Variants in ZHX2 observed in about 807,000 individuals in gnomAD.
The protein encoded by ZHX2 is zinc fingers and homeoboxes protein 2.
ZHX2 carries 6 observed loss-of-function variants against 21.9 expected under a neutral mutation model. That is an observed-to-expected ratio of 0.27 (90% CI 0.15 to 0.54). The LOEUF is 0.54. Among genes scored for constraint, ZHX2 ranks in the 20% least tolerant of loss-of-function variants. The probability of loss-of-function intolerance (pLI) is 0.95; values close to 1 mark genes in which losing one functional copy is unlikely to be tolerated. For synonymous variants in ZHX2, 434 were observed against 437.1 expected, an observed-to-expected ratio of 0.99 and a Z score of 0.09; for missense variants, 908 against 1,090.7, an observed-to-expected ratio of 0.83 and a Z score of 2.36.
chr8:122,935,297 T>G lies in ZHX2; in HGVS notation c.-219-15995T>G, dbSNP rs142862343. On this transcript the variant is annotated intron_variant, in intron 2 of 3. Coordinates refer to ENST00000314393, the MANE Select transcript of ZHX2 (RefSeq NM_014943.5). ...CATGCTGAAAAGGGAAAAGTACATTTCAGTGGAGCTTTTTAAGACCTTTCA... is the reference window on the plus strand; with the variant it reads ...CATGCTGAAAAGGGAAAAGTACATTGCAGTGGAGCTTTTTAAGACCTTTCA... Among the ~76,000 whole-genome samples, 130 of 152,278 alleles carry G rather than the reference T, an allele frequency of 8.5e-4. 1 individual carries two copies. The highest frequency in any genetic ancestry group is 3.1e-3 in the African/African-American group (127 of 41,570).
At chr8:122,955,432 C>A (rs1216115315) in intron 3 of ZHX2, among the ~76,000 whole-genome samples, 1 of 152,190 alleles carries the variant, frequency 6.6e-6, no homozygotes, top group Admixed American at 6.5e-5. Flanking sequence ...GAAATTACCA[C>A]ACCTCTGTCT....
chr8:122,943,745 T>G (rs1005737798), intron 2 of ZHX2, among the ~76,000 whole-genome samples: 3 of 152,218 alleles, frequency 2.0e-5, no homozygotes, highest in African/African-American at 7.2e-5. Context: ...GATTATTGTT[T>G]AGCTGTCTGG....
intron 1 of ZHX2, among the ~76,000 whole-genome samples, chr8:122,817,433 T>C (rs1388578015): frequency 6.6e-6 from 1 of 152,170 alleles, no homozygotes; most frequent in African/African-American, 2.4e-5. Flanking sequence ...CCAGGCCAAC[T>C]TGAAGAGGCT....
At chr8:122,797,164 A>C (rs565826136) in intron 1 of ZHX2, among the ~76,000 whole-genome samples, 3 of 152,222 alleles carry the variant, frequency 2.0e-5, no homozygotes, top group Non-Finnish European at 2.9e-5. Flanking sequence ...CAGTGGCTTC[A>C]TAAGGCAGAG....
At chr8:122,849,984 T>C (rs1250002056) in intron 1 of ZHX2, among the ~76,000 whole-genome samples, 1 of 152,224 alleles carries the variant, frequency 6.6e-6, no homozygotes, top group African/African-American at 2.4e-5. Context: ...CCAACTTTCA[T>C]TGAGAGGCTT....
chr8:122,830,193 G>A lies in ZHX2; in HGVS notation c.-282-33284G>A, dbSNP rs149621622. Among the ~76,000 whole-genome samples the A allele has an allele frequency of 4.6e-3, 697 of 152,302 alleles. 12 individuals are homozygous for A. Among genetic ancestry groups the A allele is most frequent in the Non-Finnish European group, 3.4e-3 (229 of 68,024 alleles). ...AATGGCGTCAGCACCAAGTGAGGACGGGGCAAAGGATTTATAGTGTCCTGT... is the reference window on the plus strand; with the variant it reads ...AATGGCGTCAGCACCAAGTGAGGACAGGGCAAAGGATTTATAGTGTCCTGT... On this transcript the variant is annotated intron_variant, in intron 1 of 3. Transcript: ENST00000314393.
rs191543796 is a variant in ZHX2, at chr8:122,848,194, G to A, written c.-282-15283G>A. Among the ~76,000 whole-genome samples, 661 of 152,310 alleles carry A rather than the reference G, an allele frequency of 4.3e-3. 3 individuals are homozygous for A. Among genetic ancestry groups the A allele is most frequent in the Non-Finnish European group, 7.6e-3 (514 of 68,030 alleles). ...AGCCAAAGTGTGGGTTTGAGAGACA[G>A]CGAGTGTGTTGTTGCGTCTCTGTGT... On this transcript the variant is annotated intron_variant, in intron 1 of 3. Coordinates refer to ENST00000314393, the MANE Select transcript of ZHX2 (RefSeq NM_014943.5).
At position 122,900,056 on chromosome 8, in the gene ZHX2, C is replaced by T. The variant is rs772304201; in HGVS notation, c.-220+36517C>T. ...TTTTTTTGTAGCTTTCATTTTATCA[C>T]GCTTCTCCCTCTATTAATACTCCCC... is the stretch of plus-strand genomic sequence containing the variant. On this transcript the variant is annotated intron_variant, in intron 2 of 3. Coordinates refer to ENST00000314393, the MANE Select transcript of ZHX2 (RefSeq NM_014943.5). Among the ~76,000 whole-genome samples the T allele has an allele frequency of 5.3e-5, 8 of 152,182 alleles. No homozygotes were observed. The South Asian group carries it at 1.0e-3, about 20-fold the overall frequency.
intron 2 of ZHX2, among the ~76,000 whole-genome samples, chr8:122,875,599 GGTA>G (rs35229250): frequency 0.24 from 37,127 of 152,032 alleles, 4,936 homozygotes; most frequent in East Asian, 0.42. Flanking sequence ...CAGCAGGTGC[GGTA>G]GTAGTAGACG....
intron 2 of ZHX2, among the ~76,000 whole-genome samples, chr8:122,921,575 G>T (rs1820741168): frequency 6.6e-6 from 1 of 152,100 alleles, no homozygotes; most frequent in Non-Finnish European, 1.5e-5. Context: ...ACTTTGGGAG[G>T]CCAAGGTGGG....
intron 1 of ZHX2, among the ~76,000 whole-genome samples, chr8:122,814,858 G>GT (rs1044199429): frequency 6.7e-6 from 1 of 149,624 alleles, no homozygotes; most frequent in Non-Finnish European, 1.5e-5. Context: ...GCATCGGTTT[G>GT]TTTTTTTAAT....
chr8:122,963,441 G>A (rs967922547), intron 3 of ZHX2, among the ~76,000 whole-genome samples: 1 of 152,024 alleles, frequency 6.6e-6, no homozygotes, highest in African/African-American at 2.4e-5. Context: ...TAAGTATCTG[G>A]CTTTATATAT....
At chr8:122,816,680 A>G (rs1818042593) in intron 1 of ZHX2, among the ~76,000 whole-genome samples, 1 of 152,030 alleles carries the variant, frequency 6.6e-6, no homozygotes, top group Non-Finnish European at 1.5e-5. Flanking sequence ...TAGGGCTTAC[A>G]AAAGTCATAT....
intron 1 of ZHX2, among the ~76,000 whole-genome samples, chr8:122,832,729 C>T (rs576457295): frequency 5.3e-5 from 8 of 152,114 alleles, no homozygotes; most frequent in Admixed American, 2.0e-4. Flanking sequence ...TTTGCGGAGG[C>T]GGGAGGGACT....
chr8:122,791,607 G>A (rs1469371680), intron 1 of ZHX2, among the ~76,000 whole-genome samples: 1 of 152,236 alleles, frequency 6.6e-6, no homozygotes, highest in Non-Finnish European at 1.5e-5. Flanking sequence ...GCTCACGCCT[G>A]TAATCCTAGC....
intron 1 of ZHX2, among the ~76,000 whole-genome samples, chr8:122,786,800 A>T (rs548535098): frequency 5.3e-5 from 8 of 151,730 alleles, no homozygotes; most frequent in African/African-American, 1.9e-4. Flanking sequence ...GTACCAGCAC[A>T]TGAGGTACCG....
intron 1 of ZHX2, among the ~76,000 whole-genome samples, chr8:122,839,375 G>A (rs1261432528): frequency 6.6e-6 from 1 of 152,130 alleles, no homozygotes; most frequent in Non-Finnish European, 1.5e-5. Flanking sequence ...ACAGCCTCTC[G>A]GGCCCAGTGA....
chr8:122,953,165 C>A lies in ZHX2; in HGVS notation c.1655C>A (p.Ser552Tyr). 6.2e-7 allele frequency: 1 copy of A among 1,613,640 alleles called. No homozygotes were observed. Among genetic ancestry groups the A allele is most frequent in the Non-Finnish European group, 8.5e-7 (1 of 1,179,964 alleles). ...TTGGAAGACAGCTTTTTGAAAAGTT[C>A]TTTTCCTACCCAAGCAGAACTGGAT... ...KILEDSFLKS[S>Y]FPTQAELDRL... The change falls in exon 3 of 4, where the codon TCT becomes TAT. Residue 552 changes from serine (S) to tyrosine (Y), a missense_variant. This residue lies in a region of ZHX2 where 431 missense variants were observed against 428.6 expected (regional missense o/e 1.01). Transcript: ENST00000314393. This position sits in a 1 kb window ranked among gnomAD's most constrained non-coding sequence, Gnocchi z 4.6.
chr8:122,959,345 C>T (rs572432970), intron 3 of ZHX2, among the ~76,000 whole-genome samples: 25 of 152,226 alleles, frequency 1.6e-4, no homozygotes, highest in Non-Finnish European at 2.5e-4. Context: ...GGTATGCCCT[C>T]ACACTCTGTT....
Sources: gnomAD v4.1 joint callset for allele counts (sites outside exome capture counted in the v4.1 genomes callset) on GRCh38, gnomAD v4.1.1 for gene constraint, gnomAD v4.1.1 regional missense constraint, Gnocchi (gnomAD v3.1) non-coding constraint, MANE v1.5 for transcripts, NCBI Gene and HGNC (gene_info 2026-07-23, HGNC 2026-07-21) for gene names.